The following CALU variants were observed in gnomAD, a reference collection of about 807,000 sequenced individuals.
CALU encodes the protein calumenin.
A neutral mutation model predicts 37.5 loss-of-function variants in CALU; 13 were observed. The observed-to-expected ratio is 0.35, with a 90% CI of 0.23 to 0.55. The LOEUF is 0.55. Among genes scored for constraint, CALU ranks in the 20% least tolerant of loss-of-function variants. CALU has a pLI of 0.89. For synonymous variants in CALU, 114 were observed against 133.8 expected (o/e 0.85, Z 1.02); for missense variants, 282 against 391.7 (o/e 0.72, Z 2.36).
In CALU at chr7:128,759,858, T is replaced by G. The variant is rs375018384; in HGVS notation, c.643+6T>G. 2.3e-6 allele frequency: 3 copies of G among 1,307,378 alleles called. No homozygotes were observed. Among genetic ancestry groups the G allele is most frequent in the African/African-American group, 1.4e-5 (1 of 69,306 alleles). 81.0% of individuals were successfully genotyped at this position (1,307,378 alleles called of 1,614,324 possible). A position where few individuals can be genotyped will look rare whatever the true frequency, so the allele number is the denominator to read the frequency against. On this transcript the variant is annotated splice_donor_region_variant and intron_variant, in intron 5 of 6. Transcript: ENST00000249364. ...TGATCTAGAAGAGTATATTGGTAAG[T>G]CTCTGCTTTTAGTGTTTTTCTTAGA...
At chr7:128,759,670 C>A (rs577429782) in intron 4 of CALU, 122 bp from the exon 5 acceptor site, 166 of 648,086 alleles carry the variant, frequency 2.6e-4, no homozygotes, top group South Asian at 2.5e-3. Flanking sequence ...TACATACATA[C>A]ATACATACAT....
chr7:128,743,849 A>G (rs1800330810), intron 1 of CALU, among the ~76,000 whole-genome samples: 1 of 152,130 alleles, frequency 6.6e-6, no homozygotes, highest in South Asian at 2.1e-4. Flanking sequence ...GGAAAATGAG[A>G]AGGGCCATTA....
chr7:128,755,142 C>CAA lies in CALU; in HGVS notation c.415+703_415+704dup, dbSNP rs35269374. Among the ~76,000 whole-genome samples, 28 of 124,954 alleles carry CAA rather than the reference C, an allele frequency of 2.2e-4. No individual in the cohort carries two copies. The East Asian group carries it at 2.5e-3, about 11-fold the overall frequency. The allele number at this position is 124,954 out of a possible 152,430, so 82.0% of individuals were successfully genotyped here. Reference sequence around the variant, plus strand: ...CAACATAGGGACACCCTGTCTCTACCAAAAAAAAAAAAAAAAATTTAAATT... The same window carrying CAA: ...CAACATAGGGACACCCTGTCTCTACCAAAAAAAAAAAAAAAAAAATTTAAATT... On this transcript the variant is annotated intron_variant, in intron 3 of 6. Coordinates refer to ENST00000249364, the MANE Select transcript of CALU (RefSeq NM_001219.5).
At chr7:128,744,682 A>G (rs1290057623) in intron 1 of CALU, among the ~76,000 whole-genome samples, 1 of 152,136 alleles carries the variant, frequency 6.6e-6, no homozygotes, top group Non-Finnish European at 1.5e-5. Context: ...GAGGAAGCAG[A>G]GGCAGCAGGG....
At chr7:128,756,229 G>A (rs540096548) in intron 3 of CALU, among the ~76,000 whole-genome samples, 5 of 152,308 alleles carry the variant, frequency 3.3e-5, no homozygotes, top group Admixed American at 2.0e-4. Flanking sequence ...AAACAAAATG[G>A]TGTGTAAATA....
rs1389369635 is a variant in CALU, at chr7:128,772,570, A to G, written c.*3403A>G. Reference sequence around the variant, plus strand: ...TGGGGCCAACTTGGGTAGACGAGACAGTAGAAACTTCTGTTTTCTGGGAGC... The same window carrying G: ...TGGGGCCAACTTGGGTAGACGAGACGGTAGAAACTTCTGTTTTCTGGGAGC... On this transcript the variant is annotated 3_prime_UTR_variant, in exon 7 of 7. Coordinates refer to ENST00000249364, the MANE Select transcript of CALU (RefSeq NM_001219.5). The G allele has an allele frequency of 6.2e-7, 1 of 1,614,208 alleles. No homozygotes were observed. Among genetic ancestry groups the G allele is most frequent in the Non-Finnish European group, 8.5e-7 (1 of 1,180,032 alleles).
At position 128,771,932 on chromosome 7, in the gene CALU, C is replaced by A. The variant is rs1461043748; in HGVS notation, c.*2765C>A. ...ACAAATATAAAGGTTTAGCCAAATG[C>A]AACGGGGAGGAAGCACCTGGAATAA... On this transcript the variant is annotated 3_prime_UTR_variant, in exon 7 of 7. Transcript: ENST00000249364. The A allele has an allele frequency of 1.3e-5, 2 of 153,722 alleles. No individual in the cohort carries two copies. The highest frequency in any genetic ancestry group is 4.8e-5 in the African/African-American group (2 of 41,430). 9.5% of individuals were successfully genotyped at this position (153,722 alleles called of 1,614,324 possible). A position where few individuals can be genotyped will look rare whatever the true frequency, so the allele number is the denominator to read the frequency against.
At chr7:128,764,201 G>C (rs1360024271) in intron 5 of CALU, among the ~76,000 whole-genome samples, 4 of 152,136 alleles carry the variant, frequency 2.6e-5, no homozygotes, top group African/African-American at 7.2e-5. Context: ...GCTGAGGCAG[G>C]TGAATCACTT....
At chr7:128,755,979 G>T (rs1305469637) in intron 3 of CALU, among the ~76,000 whole-genome samples, 1 of 152,174 alleles carries the variant, frequency 6.6e-6, no homozygotes, top group East Asian at 1.9e-4. Context: ...CTGGTGAAGA[G>T]ACTTTTATTT....
At chr7:128,748,122 A>G (rs1800517828) in intron 1 of CALU, 2 of 416,860 alleles carry the variant, frequency 4.8e-6, no homozygotes, top group Non-Finnish European at 4.2e-6. Context: ...CTCTAAATCA[A>G]TAGGAGAAAC....
chr7:128,761,897 T>A (rs576625323), intron 5 of CALU, among the ~76,000 whole-genome samples: 93 of 152,348 alleles, frequency 6.1e-4, no homozygotes, highest in Non-Finnish European at 1.1e-3. Flanking sequence ...TGTTGTCTTA[T>A]CATACCTGTT....
At chr7:128,752,506 G>T (rs547162115) in intron 2 of CALU, among the ~76,000 whole-genome samples, 13 of 152,142 alleles carry the variant, frequency 8.5e-5, no homozygotes, top group Non-Finnish European at 1.2e-4. Context: ...GAACTGTACA[G>T]TGGCACTATT....
At chr7:128,766,611 T>C (rs1801346282) in intron 5 of CALU, among the ~76,000 whole-genome samples, 1 of 151,880 alleles carries the variant, frequency 6.6e-6, no homozygotes, top group Non-Finnish European at 1.5e-5. Context: ...GTATTTTTAG[T>C]AGAGATGGGG....
At chr7:128,758,745 T>C (rs1461814656) in intron 3 of CALU, 126 bp from the exon 4 acceptor site, 4 of 686,262 alleles carry the variant, frequency 5.8e-6, no homozygotes, top group Non-Finnish European at 1.0e-5. Context: ...GCTGCAGTTT[T>C]ACCTGTGTCA....
intron 5 of CALU, among the ~76,000 whole-genome samples, chr7:128,760,492 GT>G (rs144545654): frequency 2.6e-5 from 4 of 151,392 alleles, no homozygotes; most frequent in East Asian, 3.9e-4. Context: ...ATTATTGAGG[GT>G]TTTTTTTTAA....
chr7:128,749,750 A>G (rs1327361852), intron 2 of CALU, among the ~76,000 whole-genome samples: 1 of 152,132 alleles, frequency 6.6e-6, no homozygotes, highest in East Asian at 1.9e-4. Context: ...ACAATGTTTT[A>G]TTTTTCAACA....
chr7:128,759,157 C>G, intron 4 of CALU, 120 bp downstream of exon 4: 1 of 661,300 alleles, frequency 1.5e-6, no homozygotes, highest in Non-Finnish European at 2.4e-6. Context: ...TAGCATATCA[C>G]TGTATATGCT....
chr7:128,748,415 A>T, intron 1 of CALU, 158 bp from the exon 2 acceptor site: 1 of 1,363,902 alleles, frequency 7.3e-7, no homozygotes, highest in Non-Finnish European at 9.9e-7. Context: ...ATTCCACCAT[A>T]CTTATTTTAT....
intron 1 of CALU, among the ~76,000 whole-genome samples, chr7:128,743,200 G>A (rs1800306498): frequency 6.6e-6 from 1 of 151,524 alleles, no homozygotes; most frequent in African/African-American, 2.4e-5. Context: ...GTTACCCTTC[G>A]TGGAAGAGGG....
Sources: allele counts gnomAD v4.1 joint callset (sites outside exome capture counted in the v4.1 genomes callset), GRCh38; gene constraint gnomAD v4.1.1; transcripts MANE v1.5; gene names NCBI Gene and HGNC (gene_info 2026-07-23, HGNC 2026-07-21).